SKAP1: variants seen among roughly 807,000 people sequenced by gnomAD.
SKAP1 encodes the protein src kinase-associated phosphoprotein 1.
Under a neutral mutation model 58.5 loss-of-function variants are expected in SKAP1, and 44 were observed. That is an observed-to-expected ratio of 0.75 (90% CI 0.59 to 0.97). The LOEUF is 0.97. Ranked by LOEUF, SKAP1 falls within the 50% of genes least tolerant of loss-of-function variation. The pLI is 0.00. For synonymous variants in SKAP1, 127 were observed against 149.7 expected (o/e 0.85, Z 1.11); for missense variants, 390 against 435.2 (o/e 0.90, Z 0.92).
chr17:48,200,879 C>T (rs938083897), intron 4 of SKAP1, among the ~76,000 whole-genome samples: 7 of 152,138 alleles, frequency 4.6e-5, no homozygotes, highest in Non-Finnish European at 8.8e-5. Flanking sequence ...CTCTTTTTAT[C>T]CCCAGGGGCC....
chr17:48,135,322 A>G (rs1167995662), intron 12 of SKAP1, among the ~76,000 whole-genome samples: 1 of 152,118 alleles, frequency 6.6e-6, no homozygotes, highest in Non-Finnish European at 1.5e-5. Flanking sequence ...GGAGCTAGTG[A>G]CAACATGCTG....
intron 3 of SKAP1, among the ~76,000 whole-genome samples, chr17:48,346,382 G>A (rs1033156599): frequency 5.3e-5 from 8 of 152,104 alleles, no homozygotes; most frequent in Admixed American, 2.0e-4. Context: ...CTAGCACTTT[G>A]GGAGGCCCAG....
At chr17:48,148,490 G>A (rs1300222171) in intron 11 of SKAP1, among the ~76,000 whole-genome samples, 2 of 152,164 alleles carry the variant, frequency 1.3e-5, no homozygotes, top group Non-Finnish European at 2.9e-5. Flanking sequence ...CATAAACTGC[G>A]CAGCTCTGCA....
At chr17:48,392,907 T>C (rs944263922) in intron 2 of SKAP1, among the ~76,000 whole-genome samples, 51 of 151,572 alleles carry the variant, frequency 3.4e-4, no homozygotes, top group Non-Finnish European at 1.0e-4. Context: ...TCCCCCACTC[T>C]CAACGTATTC....
intron 4 of SKAP1, among the ~76,000 whole-genome samples, chr17:48,219,921 A>G (rs2064982140): frequency 6.6e-6 from 1 of 152,228 alleles, no homozygotes; most frequent in Admixed American, 6.5e-5. Flanking sequence ...TGGCAAATGT[A>G]CAATGGAAGC....
intron 1 of SKAP1, among the ~76,000 whole-genome samples, chr17:48,424,221 C>CTT (rs71366876): frequency 0.19 from 20,706 of 106,496 alleles, 2,240 homozygotes; most frequent in Admixed American, 0.21. Context: ...TCTGGGACCT[C>CTT]TTTTTTTTTT....
chr17:48,331,590 T>C (rs574667298), intron 4 of SKAP1, among the ~76,000 whole-genome samples: 1 of 151,830 alleles, frequency 6.6e-6, no homozygotes, highest in Admixed American at 6.6e-5. Flanking sequence ...TCTCAGCTAC[T>C]CAAAAGGCTG....
intron 4 of SKAP1, among the ~76,000 whole-genome samples, chr17:48,335,916 A>AGTATGC (rs1474422555): frequency 2.0e-5 from 3 of 152,172 alleles, no homozygotes; most frequent in African/African-American, 2.4e-5. Flanking sequence ...CTCATATCTG[A>AGTATGC]GTATGCGTAT....
chr17:48,296,313 G>A (rs1252993491), intron 4 of SKAP1, among the ~76,000 whole-genome samples: 2 of 152,076 alleles, frequency 1.3e-5, no homozygotes, highest in African/African-American at 2.4e-5. Flanking sequence ...GCATGACTGC[G>A]CTGGAGAAAA....
chr17:48,410,934 C>CAAA lies in SKAP1; in HGVS notation c.47-14152_47-14150dup, dbSNP rs61705374. Among the ~76,000 whole-genome samples, 108 of 66,936 alleles carry CAAA rather than the reference C, an allele frequency of 1.6e-3. 3 individuals carry two copies. The highest frequency in any genetic ancestry group is 1.9e-3 in the African/African-American group (35 of 18,510). 43.9% of individuals were successfully genotyped at this position (66,936 alleles called of 152,430 possible). A position where few individuals can be genotyped will look rare whatever the true frequency, so the allele number is the denominator to read the frequency against. The stretch of plus-strand genomic sequence containing the variant: ...AGAGCGACAGAGCGAGACTCCATTT[C>CAAA]AAAAAAAAAAAAAAAAAAAAAAAGA... On this transcript the variant is annotated intron_variant, in intron 1 of 12. Coordinates refer to ENST00000336915, the MANE Select transcript of SKAP1 (RefSeq NM_003726.4).
intron 4 of SKAP1, among the ~76,000 whole-genome samples, chr17:48,299,052 C>T (rs2066022994): frequency 6.6e-6 from 1 of 152,058 alleles, no homozygotes; most frequent in South Asian, 2.1e-4. Flanking sequence ...TTATAAAGCA[C>T]CTTGGGATTC....
chr17:48,347,846 C>CAA (rs2066743324), intron 3 of SKAP1, among the ~76,000 whole-genome samples: 1 of 151,982 alleles, frequency 6.6e-6, no homozygotes, highest in Non-Finnish European at 1.5e-5. Context: ...GACTGCCTGG[C>CAA]TAGTAACCTG....
At chr17:48,161,378 AGATT>A in intron 11 of SKAP1, among the ~76,000 whole-genome samples, 1 of 152,380 alleles carries the variant, frequency 6.6e-6, no homozygotes, top group Middle Eastern at 3.4e-3. Context: ...GTGTTTGTAG[AGATT>A]GATTGGCTGC....
chr17:48,157,556 G>T (rs1413289957), intron 11 of SKAP1, among the ~76,000 whole-genome samples: 1 of 147,832 alleles, frequency 6.8e-6, no homozygotes, highest in East Asian at 2.0e-4. Context: ...TTGAGACAGG[G>T]TCTCACTCTG....
At chr17:48,240,365 C>T (rs2065232181) in intron 4 of SKAP1, among the ~76,000 whole-genome samples, 1 of 152,028 alleles carries the variant, frequency 6.6e-6, no homozygotes, top group Admixed American at 6.6e-5. Context: ...AAACAACGGA[C>T]CTCAGGGAAA....
Position 48,162,494 on chromosome 17 carries a change from C to T in SKAP1, c.953G>A (p.Gly318Asp). ...CTTGCTCAGAATACGGATGAGGTCA[C>T]CCCGTTGGAAGGACAGTTCATCTGG... The part of the protein sequence containing the change: ...DQPDELSFQR[G>D]DLIRILSKEY... Residue 318 changes from glycine (G) to aspartate (D), a missense_variant, in exon 11 of 13, where the codon GGT (glycine) becomes GAT (aspartate). Transcript: ENST00000336915. The T allele has an allele frequency of 6.2e-7, 1 of 1,613,950 alleles. No homozygotes were observed. Among genetic ancestry groups the T allele is most frequent in the Non-Finnish European group, 8.5e-7 (1 of 1,179,874 alleles).
chr17:48,189,640 G>A (rs1345471674), intron 4 of SKAP1, 140 bp from the exon 5 acceptor site: 4 of 561,350 alleles, frequency 7.1e-6, no homozygotes, highest in Non-Finnish European at 1.2e-5. Flanking sequence ...AACAATTTCT[G>A]TATGATTGGA....
intron 11 of SKAP1, among the ~76,000 whole-genome samples, chr17:48,154,427 G>C (rs2063944931): frequency 6.6e-6 from 1 of 152,160 alleles, no homozygotes; most frequent in Non-Finnish European, 1.5e-5. Context: ...TGGGCCATGA[G>C]AATACCTTCC....
At chr17:48,228,035 A>G (rs2143765961) in intron 4 of SKAP1, among the ~76,000 whole-genome samples, 1 of 152,300 alleles carries the variant, frequency 6.6e-6, no homozygotes, top group South Asian at 2.1e-4. Context: ...AATAAGTAGC[A>G]GAGATATTAT....
Sources: allele counts gnomAD v4.1 joint callset (sites outside exome capture counted in the v4.1 genomes callset), GRCh38; gene constraint gnomAD v4.1.1; transcripts MANE v1.5; gene names NCBI Gene and HGNC (gene_info 2026-07-23, HGNC 2026-07-21).